EIF2AK4: variants seen among roughly 807,000 people sequenced by gnomAD.
EIF2AK4 encodes eIF-2-alpha kinase GCN2.
Under a neutral mutation model 211.1 loss-of-function variants are expected in EIF2AK4, and 139 were observed. The ratio of observed to expected loss-of-function variants is 0.66; its 90% CI spans 0.57 to 0.76. EIF2AK4 has a LOEUF of 0.76. EIF2AK4 is among the 30% of genes least tolerant of loss of function. The probability of loss-of-function intolerance (pLI) is 0.00; values close to 1 mark genes in which losing one functional copy is unlikely to be tolerated. For synonymous variants in EIF2AK4, 710 were observed against 751.3 expected, an observed-to-expected ratio of 0.94 and a Z score of 0.90; for missense variants, 1,664 against 2,043.8, an observed-to-expected ratio of 0.81 and a Z score of 3.58.
intron 35 of EIF2AK4, 143 bp downstream of exon 35, chr15:40,030,599 C>T: frequency 1.2e-6 from 1 of 819,036 alleles, no homozygotes; most frequent in Non-Finnish European, 1.9e-6. Context: ...ACTTGCCTAA[C>T]TGGGTGGCTT....
rs367692390 is a variant in EIF2AK4, at chr15:39,976,859, C to T, written c.2249+15C>T. 13 of 1,461,840 alleles carry T rather than the reference C, an allele frequency of 8.9e-6. No homozygotes were observed. The highest frequency in any genetic ancestry group is 1.4e-5 in the South Asian group (1 of 69,528). 90.6% of individuals were successfully genotyped at this position (1,461,840 alleles called of 1,614,324 possible). On this transcript the variant is annotated intron_variant, in intron 12 of 38. Coordinates refer to ENST00000263791, the MANE Select transcript of EIF2AK4 (RefSeq NM_001013703.4). ...CAGTCCTTCCTGTAAGCGCACGGCG[C>T]GGACCAGCTGCCTCTGATGCGCCCC...
chr15:39,985,738 A>G (rs2034855918), intron 13 of EIF2AK4, 67 bp from the exon 14 acceptor site: 3 of 1,503,542 alleles, frequency 2.0e-6, no homozygotes, highest in Admixed American at 1.7e-5. Context: ...CAAATACTTA[A>G]TGATGGTGAT....
Position 39,985,855 on chromosome 15 carries a change from G to T in EIF2AK4, c.2370G>T (p.Val790=). The T allele has an allele frequency of 1.2e-6, 2 of 1,614,166 alleles. No individual in the cohort carries two copies. The highest frequency in any genetic ancestry group is 1.7e-6 in the Non-Finnish European group (2 of 1,180,006). The change falls in exon 14 of 39, where the codon GTG becomes GTT. Residue 790 remains valine (V), a synonymous_variant. Transcript: ENST00000263791. The stretch of plus-strand genomic sequence containing the variant: ...GCTGCCATGAAAGTGAGCCATCAGT[G>T]ACGACTGAGGCTGTGCACTACCTAT... ...KNGCHESEPS[V]TTEAVHYLYI...
intron 29 of EIF2AK4, among the ~76,000 whole-genome samples, chr15:40,017,606 G>A (rs942409964): frequency 7.0e-6 from 1 of 142,206 alleles, no homozygotes; most frequent in South Asian, 2.2e-4. Context: ...GTGCAATGGC[G>A]CAATCTTGGC....
chr15:39,954,415 G>T (rs1174248939), intron 5 of EIF2AK4, among the ~76,000 whole-genome samples: 1 of 152,148 alleles, frequency 6.6e-6, no homozygotes, highest in Non-Finnish European at 1.5e-5. Flanking sequence ...ACTACGCCTG[G>T]CTAATTTTTG....
chr15:40,004,808 A>C (rs1211268742), intron 23 of EIF2AK4, among the ~76,000 whole-genome samples: 3 of 152,162 alleles, frequency 2.0e-5, no homozygotes, highest in African/African-American at 7.2e-5. Flanking sequence ...CTTCTGCCTC[A>C]GCCTCCCAAA....
intron 3 of EIF2AK4, among the ~76,000 whole-genome samples, chr15:39,944,731 C>T (rs1292841931): frequency 6.6e-6 from 1 of 152,168 alleles, no homozygotes; most frequent in Non-Finnish European, 1.5e-5. Flanking sequence ...CCGCACCCGG[C>T]CAACGATCTC....
intron 9 of EIF2AK4, among the ~76,000 whole-genome samples, chr15:39,972,697 G>T (rs938483241): frequency 7.9e-5 from 12 of 151,460 alleles, no homozygotes; most frequent in Non-Finnish European, 1.6e-4. Flanking sequence ...TTTTTGATTC[G>T]CCTCTTGTAC....
intron 9 of EIF2AK4, among the ~76,000 whole-genome samples, chr15:39,970,191 T>G (rs1292992210): frequency 6.6e-6 from 1 of 152,224 alleles, no homozygotes; most frequent in African/African-American, 2.4e-5. Flanking sequence ...CCCTTTTTGT[T>G]CAAAGCTGAA....
chr15:39,992,497 T>C (rs2034957296), intron 17 of EIF2AK4: 1 of 550,732 alleles, frequency 1.8e-6, no homozygotes, highest in Non-Finnish European at 3.2e-6. Context: ...CCATTGGTAA[T>C]GTGAGGTTAC....
At chr15:39,961,203 C>T (rs1374166161) in intron 6 of EIF2AK4, among the ~76,000 whole-genome samples, 1 of 152,168 alleles carries the variant, frequency 6.6e-6, no homozygotes, top group African/African-American at 2.4e-5. Flanking sequence ...CAAAGACAAG[C>T]AAGAGAAGGA....
Position 40,001,238 on chromosome 15 carries a change from A to T in EIF2AK4, c.3159+14A>T. On this transcript the variant is annotated intron_variant, in intron 21 of 38. Coordinates refer to ENST00000263791, the MANE Select transcript of EIF2AK4 (RefSeq NM_001013703.4). ...GACATACTGAAGGTGGGCTTAAGCCACGCTGCACAAAGGGAGCTTCACCTT... is the reference window on the plus strand; with the variant it reads ...GACATACTGAAGGTGGGCTTAAGCCTCGCTGCACAAAGGGAGCTTCACCTT... The T allele has an allele frequency of 6.2e-7, 1 of 1,611,350 alleles. No homozygotes were observed. Among genetic ancestry groups the T allele is most frequent in the Non-Finnish European group, 8.5e-7 (1 of 1,179,106 alleles).
chr15:39,953,769 A>T (rs1352826697), intron 4 of EIF2AK4, 135 bp from the exon 5 acceptor site: 11 of 809,196 alleles, frequency 1.4e-5, no homozygotes, highest in Non-Finnish European at 2.1e-5. Flanking sequence ...TTGTACTAAG[A>T]TGCTGTGTTT....
At chr15:39,994,681 A>G (rs1012929204) in intron 18 of EIF2AK4, among the ~76,000 whole-genome samples, 8 of 152,216 alleles carry the variant, frequency 5.3e-5, no homozygotes, top group African/African-American at 1.9e-4. Flanking sequence ...TCAGGCTTGC[A>G]GTGGAGATTC....
chr15:39,997,857 T>A (rs1306415364), intron 19 of EIF2AK4, among the ~76,000 whole-genome samples: 1 of 152,034 alleles, frequency 6.6e-6, no homozygotes, highest in Non-Finnish European at 1.5e-5. Flanking sequence ...TGAGAGTGAT[T>A]TAAATTCACA....
rs554732504 is a variant in EIF2AK4 at position 40,032,558 on chromosome 15, C to T, written c.4729-199C>T. ...ACCTTTCGGGTGTGGTGTAGAGGGA[C>T]AGGGAGTACAGTTTCCACTGCTTAT... is the stretch of plus-strand genomic sequence containing the variant. On this transcript the variant is annotated intron_variant, in intron 36 of 38. Coordinates refer to ENST00000263791, the MANE Select transcript of EIF2AK4 (RefSeq NM_001013703.4). Among the ~76,000 whole-genome samples the T allele has an allele frequency of 6.6e-5, 10 of 152,260 alleles. No individual in the cohort carries two copies. The South Asian group carries it at 2.1e-3, about 32-fold the overall frequency.
intron 12 of EIF2AK4, 61 bp downstream of exon 12, chr15:39,976,905 T>TTTTTTTCC: frequency 7.1e-7 from 1 of 1,413,624 alleles, no homozygotes; most frequent in Non-Finnish European, 9.2e-7. Context: ...TTCTTTATTT[T>TTTTTTTCC]TTTTTCCTTT....
chr15:40,003,114 C>A, intron 22 of EIF2AK4, 79 bp from the exon 23 acceptor site: 1 of 1,564,334 alleles, frequency 6.4e-7, no homozygotes. Context: ...ACTTAACTGT[C>A]AGGTTTGTGT....
intron 13 of EIF2AK4, among the ~76,000 whole-genome samples, chr15:39,981,861 G>C (rs2034793185): frequency 6.6e-6 from 1 of 151,894 alleles, no homozygotes; most frequent in Non-Finnish European, 1.5e-5. Context: ...GTAAGTGGCA[G>C]CTGAGGGCAT....
Sources: gnomAD v4.1 joint callset for allele counts (sites outside exome capture counted in the v4.1 genomes callset) on GRCh38, gnomAD v4.1.1 for gene constraint, MANE v1.5 for transcripts, NCBI Gene and HGNC (gene_info 2026-07-23, HGNC 2026-07-21) for gene names.